The following SLC9A9 variants were observed in gnomAD, a reference collection of about 807,000 sequenced individuals.
The protein encoded by SLC9A9 is sodium/hydrogen exchanger 9.
A neutral mutation model predicts 77.8 loss-of-function variants in SLC9A9; 62 were observed. The observed-to-expected ratio is 0.80, with a 90% CI of 0.65 to 0.98. SLC9A9 has a LOEUF of 0.98. Among genes scored for constraint, SLC9A9 ranks in the 50% least tolerant of loss-of-function variants. SLC9A9 has a pLI of 0.00. For missense variants in SLC9A9, 775 were observed against 774.9 expected, an observed-to-expected ratio of 1.00 and a Z score of 0.00; for synonymous variants, 320 against 283.5, an observed-to-expected ratio of 1.13 and a Z score of -1.29.
intron 9 of SLC9A9, among the ~76,000 whole-genome samples, chr3:143,498,495 A>C (rs2035876207): frequency 6.6e-6 from 1 of 151,332 alleles, no homozygotes; most frequent in African/African-American, 2.4e-5. Flanking sequence ...TGGACGCTGC[A>C]GTGAGCCGAG....
chr3:143,762,420 T>C (rs1296681959), intron 4 of SLC9A9, among the ~76,000 whole-genome samples: 1 of 152,200 alleles, frequency 6.6e-6, no homozygotes, highest in Non-Finnish European at 1.5e-5. Context: ...TTGGGTTATT[T>C]TGATGGCCTA....
At chr3:143,365,404 A>G (rs933577340) in intron 13 of SLC9A9, among the ~76,000 whole-genome samples, 4 of 152,186 alleles carry the variant, frequency 2.6e-5, no homozygotes, top group African/African-American at 9.6e-5. Flanking sequence ...CTGCACATGT[A>G]TACTTGAACC....
chr3:143,467,176 T>A lies in SLC9A9; in HGVS notation c.1330A>T (p.Ile444Phe). The change falls in exon 12 of 16, where the codon ATC becomes TTC. Residue 444 changes from isoleucine (I) to phenylalanine (F), a missense_variant. Physicochemically the swap from Ile to Phe is conservative, Grantham distance 21 (BLOSUM62 0). Coordinates refer to ENST00000316549, the MANE Select transcript of SLC9A9 (RefSeq NM_173653.4). ...TTCCGAATAGCTAAGGCAAATGCGA[T>A]CGCTCCTCGCAAACCTTGCAGGAAA... ...MMMFSGLRGAIAFALAIRNTE... is the reference protein window; with the variant it reads ...MMMFSGLRGAFAFALAIRNTE... The A allele has an allele frequency of 6.2e-7, 1 of 1,614,214 alleles. No individual in the cohort carries two copies. The highest frequency in any genetic ancestry group is 1.1e-5 in the South Asian group (1 of 91,086).
At position 143,329,565 on chromosome 3, in the gene SLC9A9, G is replaced by T. The variant is rs184124298; in HGVS notation, c.1604+33919C>A. ...TGCCATCCTCCCATATGGCAGGTGT[G>T]CAGGCCACCTTGGCCTCCTGCGCGT... On this transcript the variant is annotated intron_variant, in intron 14 of 15. Coordinates refer to ENST00000316549, the MANE Select transcript of SLC9A9 (RefSeq NM_173653.4). Among the ~76,000 whole-genome samples the T allele has an allele frequency of 4.6e-5, 7 of 152,340 alleles. No individual in the cohort carries two copies. In the East Asian group the frequency reaches 1.4e-3, roughly 29 times the overall value.
intron 6 of SLC9A9, among the ~76,000 whole-genome samples, chr3:143,582,011 G>A (rs1055432935): frequency 3.3e-5 from 5 of 152,168 alleles, no homozygotes; most frequent in South Asian, 2.1e-4. Context: ...ATGAAGGTGC[G>A]GGACAACTGG....
rs182490290 is a variant in SLC9A9, at chr3:143,752,760, G to A, written c.533+42241C>T. On this transcript the variant is annotated intron_variant, in intron 4 of 15. Transcript: ENST00000316549. ...GAGCTTAAGGCAGCTCAGTTTAGCA[G>A]TAGGTAGAACATTGTTAAAATGGAT... Among the ~76,000 whole-genome samples the A allele has an allele frequency of 1.4e-4, 22 of 151,774 alleles. No homozygotes were observed. The East Asian group carries it at 4.1e-3, about 28-fold the overall frequency.
intron 6 of SLC9A9, among the ~76,000 whole-genome samples, chr3:143,640,584 G>T (rs1016931740): frequency 5.3e-5 from 8 of 152,088 alleles, no homozygotes; most frequent in Admixed American, 3.9e-4. Context: ...TTTTAGGCCG[G>T]GCATGGTGGC....
intron 4 of SLC9A9, among the ~76,000 whole-genome samples, chr3:143,755,394 C>T (rs2006889314): frequency 6.6e-6 from 1 of 152,180 alleles, no homozygotes; most frequent in Admixed American, 6.5e-5. Flanking sequence ...AACATGTTCA[C>T]AGGCATCTCA....
chr3:143,597,786 T>C (rs1302055995), intron 6 of SLC9A9, among the ~76,000 whole-genome samples: 1 of 152,202 alleles, frequency 6.6e-6, no homozygotes, highest in Non-Finnish European at 1.5e-5. Context: ...AGGAGCCAAG[T>C]GGTTCCTATA....
intron 14 of SLC9A9, among the ~76,000 whole-genome samples, chr3:143,296,566 G>C (rs1467789228): frequency 6.6e-6 from 1 of 152,054 alleles, no homozygotes; most frequent in African/African-American, 2.4e-5. Flanking sequence ...CAATTCTTTT[G>C]GGTATATACC....
chr3:143,797,797 C>A (rs550103089), intron 2 of SLC9A9, among the ~76,000 whole-genome samples: 1 of 152,060 alleles, frequency 6.6e-6, no homozygotes, highest in Admixed American at 6.6e-5. Flanking sequence ...CCACTACCTA[C>A]CCAAATCCTA....
intron 6 of SLC9A9, among the ~76,000 whole-genome samples, chr3:143,606,400 ATCTC>A (rs746582477): frequency 0.018 from 1,410 of 76,330 alleles, 28 homozygotes; most frequent in African/African-American, 0.032. Context: ...GAAAGAGTGA[ATCTC>A]TCTCTCTCTC....
At chr3:143,745,633 G>A (rs969592979) in intron 4 of SLC9A9, among the ~76,000 whole-genome samples, 3 of 152,066 alleles carry the variant, frequency 2.0e-5, no homozygotes, top group African/African-American at 7.2e-5. Flanking sequence ...GTATTTTTTG[G>A]AAATTCTTTT....
rs1468955811 is a variant in SLC9A9 at position 143,422,595 on chromosome 3, A to AG, written c.1470-40482dup. 2.6e-5 allele frequency among the ~76,000 whole-genome samples: 4 copies of AG among 152,262 alleles called. No homozygotes were observed. In the East Asian group the frequency reaches 5.8e-4, roughly 22 times the overall value. On this transcript the variant is annotated intron_variant, in intron 12 of 15. Transcript: ENST00000316549. ...AACAATAGACACTGGAAACTACTAG[A>AG]GGAGGGAGGGAGGAGGGAAGAAAGG...
intron 6 of SLC9A9, among the ~76,000 whole-genome samples, chr3:143,636,259 T>C (rs1576625826): frequency 6.6e-6 from 1 of 152,322 alleles, no homozygotes. Flanking sequence ...ATTTTTAAGA[T>C]GCTATTATGA....
At chr3:143,722,472 C>CAAA (rs60995925) in intron 4 of SLC9A9, among the ~76,000 whole-genome samples, 2,385 of 58,062 alleles carry the variant, frequency 0.041, 247 homozygotes, top group Non-Finnish European at 0.048. Context: ...GACTCCATCT[C>CAAA]AAAAAAAAAA....
At chr3:143,697,351 A>G (rs1168248897) in intron 4 of SLC9A9, among the ~76,000 whole-genome samples, 1 of 151,876 alleles carries the variant, frequency 6.6e-6, no homozygotes, top group Non-Finnish European at 1.5e-5. Context: ...GAATTCGATG[A>G]CTCCTCCTTT....
intron 6 of SLC9A9, among the ~76,000 whole-genome samples, chr3:143,615,963 C>T (rs1334080836): frequency 6.6e-6 from 1 of 151,710 alleles, no homozygotes; most frequent in African/African-American, 2.4e-5. Flanking sequence ...TCACTGCAAG[C>T]TCTGCCTCCT....
intron 1 of SLC9A9, among the ~76,000 whole-genome samples, chr3:143,843,389 C>T (rs7627020): frequency 0.97 from 147,849 of 152,324 alleles, 71,761 homozygotes; most frequent in East Asian, 1. Context: ...CACTATGTAA[C>T]TGTATTTTCT....
Sources: allele counts gnomAD v4.1 joint callset (sites outside exome capture counted in the v4.1 genomes callset), GRCh38; gene constraint gnomAD v4.1.1; transcripts MANE v1.5; gene names NCBI Gene and HGNC (gene_info 2026-07-23, HGNC 2026-07-21).